The following HSPG2 variants were observed in gnomAD, a reference collection of about 807,000 sequenced individuals.
The protein encoded by HSPG2 is heparan sulfate proteoglycan 2, also known as basement membrane-specific heparan sulfate proteoglycan core protein.
HSPG2 carries 278 observed loss-of-function variants against 526.6 expected under a neutral mutation model. The ratio of observed to expected loss-of-function variants is 0.53; its 90% CI spans 0.48 to 0.58. HSPG2 has a LOEUF of 0.58. HSPG2 is among the 20% of genes least tolerant of loss of function. The pLI is 0.00. For missense variants in HSPG2, 5,354 were observed against 6,099.5 expected (o/e 0.88, Z 4.07); for synonymous variants, 2,465 against 2,555.4 (o/e 0.96, Z 1.07).
chr1:21,824,471 C>T lies in HSPG2; in HGVS notation c.12744+66G>A, dbSNP rs963096177. The T allele has an allele frequency of 3.5e-5, 56 of 1,603,630 alleles. No homozygotes were observed. Among genetic ancestry groups the T allele is most frequent in the African/African-American group, 1.3e-4 (10 of 74,734 alleles). On this transcript the variant is annotated intron_variant, in intron 93 of 96. Transcript: ENST00000374695. The surrounding 1 kb of genome is among the most constrained non-coding windows in gnomAD (Gnocchi z 5.9). ...CTGCTTTCCCCTCCCCCCACCACTC[C>T]GGCCACCAGGAAGCCAGCTTCCTGC...
chr1:21,847,497 A>C lies in HSPG2; in HGVS notation c.8026-5T>G. 6.2e-7 allele frequency: 1 copy of C among 1,613,792 alleles called. No individual in the cohort carries two copies. Among genetic ancestry groups the C allele is most frequent in the Non-Finnish European group, 8.5e-7 (1 of 1,179,998 alleles). ...CCGCAGGTGGGAGCCATGGGTCTGG[A>C]CGTGCGGATGGGGAAGGAGAGGGAG... On this transcript the variant is annotated splice_polypyrimidine_tract_variant and splice_region_variant and intron_variant, in intron 61 of 96. Coordinates refer to ENST00000374695, the MANE Select transcript of HSPG2 (RefSeq NM_005529.7). The surrounding 1 kb of genome is among the most constrained non-coding windows in gnomAD (Gnocchi z 4.1).
intron 1 of HSPG2, among the ~76,000 whole-genome samples, chr1:21,924,492 T>TG (rs911534297): frequency 6.6e-6 from 1 of 152,126 alleles, no homozygotes; most frequent in South Asian, 2.1e-4. Flanking sequence ...CACCAACTTT[T>TG]GGGGGGTAGT....
rs777701876 is a variant in HSPG2, at chr1:21,887,331, G to A, written c.962C>T (p.Pro321Leu). The change falls in exon 9 of 97, where the codon CCC (proline) becomes CTC (leucine). Residue 321 changes from proline (P) to leucine (L), a missense_variant. Pro to Leu is a moderately conservative substitution (Grantham distance 98). Coordinates refer to ENST00000374695, the MANE Select transcript of HSPG2 (RefSeq NM_005529.7). The surrounding 1 kb of genome is among the most constrained non-coding windows in gnomAD (Gnocchi z 5.0). ...CTCGTTGGGCTCACAGGGTGGCGGGGGGCCTAGGAGACCGGGCAGGGGTCA... is the reference window on the plus strand; with the variant it reads ...CTCGTTGGGCTCACAGGGTGGCGGGAGGCCTAGGAGACCGGGCAGGGGTCA... ...EDGSDELDCG[P>L]PPPCEPNEFP... The A allele has an allele frequency of 1.2e-6, 2 of 1,614,014 alleles. No individual in the cohort carries two copies. Among genetic ancestry groups the A allele is most frequent in the Non-Finnish European group, 1.7e-6 (2 of 1,179,946 alleles).
intron 74 of HSPG2, among the ~76,000 whole-genome samples, chr1:21,837,478 G>C (rs1174002972): frequency 6.7e-6 from 1 of 150,254 alleles, no homozygotes; most frequent in Non-Finnish European, 1.5e-5. Context: ...TAGTAGAGAC[G>C]GGGTTTCACC....
At chr1:21,845,962 G>A (rs747338991) in intron 64 of HSPG2, 146 bp downstream of exon 64, 120 of 967,476 alleles carry the variant, frequency 1.2e-4, no homozygotes, top group Non-Finnish European at 1.8e-4. Flanking sequence ...TCCTGGGACC[G>A]TGTGGGTGGC....
Position 21,880,559 on chromosome 1 carries a change from C to G in HSPG2, c.1999G>C (p.Glu667Gln). The G allele has an allele frequency of 1.2e-6, 2 of 1,613,182 alleles. No individual in the cohort carries two copies. Among genetic ancestry groups the G allele is most frequent in the Non-Finnish European group, 1.7e-6 (2 of 1,179,738 alleles). ...LNQRQVQFSE[E>Q]HWVHESGRPV... ...CGGCCAGACTCATGGACCCAGTGCT[C>G]CTGGGTATGGGTGAAGGTGGCAGGG... Residue 667 changes from glutamate to glutamine, a missense_variant and splice_region_variant, in exon 16 of 97, where the codon GAG (glutamate) becomes CAG (glutamine). Transcript: ENST00000374695.
At chr1:21,903,640 T>C (rs1037620745) in intron 1 of HSPG2, among the ~76,000 whole-genome samples, 7 of 152,102 alleles carry the variant, frequency 4.6e-5, no homozygotes, top group African/African-American at 1.7e-4. Flanking sequence ...ATAAATAAAA[T>C]GGAAGCAAAA....
chr1:21,889,111 G>T (rs1462090729), intron 6 of HSPG2, among the ~76,000 whole-genome samples: 2 of 152,128 alleles, frequency 1.3e-5, no homozygotes, highest in African/African-American at 2.4e-5. Context: ...TGCGGAACAA[G>T]GGAGGTGATG....
intron 22 of HSPG2, 28 bp downstream of exon 22, chr1:21,876,484 G>T (rs1553169259): frequency 6.2e-7 from 1 of 1,613,522 alleles, no homozygotes; most frequent in Non-Finnish European, 8.5e-7. Flanking sequence ...GGGCTTGGCG[G>T]TCCTGCCCGC....
intron 28 of HSPG2, 65 bp from the exon 29 acceptor site, chr1:21,874,076 T>A: frequency 7.2e-7 from 1 of 1,385,788 alleles, no homozygotes; most frequent in Non-Finnish European, 1.0e-6. Flanking sequence ...CGATCCTCCT[T>A]CAGGACCAGG....
At chr1:21,835,218 C>A in intron 76 of HSPG2, 2 of 601,574 alleles carry the variant, frequency 3.3e-6, no homozygotes, top group South Asian at 3.9e-5. Context: ...AGAATTCATG[C>A]GCTCAAGCAA....
chr1:21,910,028 T>C (rs12063128), intron 1 of HSPG2, among the ~76,000 whole-genome samples: 15,540 of 152,140 alleles, frequency 0.1, 1,958 homozygotes, highest in African/African-American at 0.28. Flanking sequence ...TGAGCCAGAC[T>C]AGAAAAGCCT....
chr1:21,869,420 A>C, intron 33 of HSPG2: 1 of 984,850 alleles, frequency 1.0e-6, no homozygotes, highest in Non-Finnish European at 1.2e-6. Flanking sequence ...TGAAGTCTAG[A>C]AAGCATGGTG....
At chr1:21,832,379 G>T in intron 81 of HSPG2, 116 bp downstream of exon 81, 3 of 857,558 alleles carry the variant, frequency 3.5e-6, no homozygotes, top group Non-Finnish European at 5.9e-6. Context: ...CAAGGGTAAC[G>T]GCCACATTTT....
chr1:21,826,470 C>T (rs1177999889), intron 91 of HSPG2, among the ~76,000 whole-genome samples: 2 of 152,032 alleles, frequency 1.3e-5, no homozygotes, highest in Non-Finnish European at 2.9e-5. Flanking sequence ...TCCCAAAGTG[C>T]TGGGATTATA....
At chr1:21,876,126 T>A in intron 23 of HSPG2, 84 bp from the exon 24 acceptor site, 3 of 1,571,620 alleles carry the variant, frequency 1.9e-6, no homozygotes, top group South Asian at 2.3e-5. Flanking sequence ...ATGCAGTGTA[T>A]CTCACTATTC....
intron 1 of HSPG2, among the ~76,000 whole-genome samples, chr1:21,917,660 A>G (rs1255279383): frequency 6.6e-6 from 1 of 152,052 alleles, no homozygotes; most frequent in Non-Finnish European, 1.5e-5. Flanking sequence ...CACAGGGCAC[A>G]TTTGCCTGCC....
Position 21,859,643 on chromosome 1 carries a change from G to C in HSPG2, c.5216C>G (p.Ser1739Trp), listed in dbSNP as rs764211546. Residue 1739 changes from serine to tryptophan, a missense_variant, in exon 42 of 97, where the codon TCG (serine) becomes TGG (tryptophan). Coordinates refer to ENST00000374695, the MANE Select transcript of HSPG2 (RefSeq NM_005529.7). The surrounding 1 kb of genome is among the most constrained non-coding windows in gnomAD (Gnocchi z 5.3). ...GGTGCAAATGTAGACCCCAGCATCC[G>C]AGGGCTGGACGCTGGGGAAGTGGAG... ...SELHFPSVQP[S>W]DAGVYICTCR... 6.2e-7 allele frequency: 1 copy of C among 1,608,350 alleles called. No homozygotes were observed. The highest frequency in any genetic ancestry group is 1.1e-5 in the South Asian group (1 of 89,970).
chr1:21,930,819 G>C (rs1016082429), intron 1 of HSPG2, among the ~76,000 whole-genome samples: 1 of 151,670 alleles, frequency 6.6e-6, no homozygotes, highest in African/African-American at 2.4e-5. Flanking sequence ...CATAGAAGAT[G>C]CTCCACAGAT....
Sources: allele counts gnomAD v4.1 joint callset (sites outside exome capture counted in the v4.1 genomes callset), GRCh38; gene constraint gnomAD v4.1.1; non-coding constraint Gnocchi (gnomAD v3.1); transcripts MANE v1.5; gene names NCBI Gene and HGNC (gene_info 2026-07-23, HGNC 2026-07-21).